The following TRPA1 variants were observed in gnomAD, a reference collection of about 807,000 sequenced individuals.
The protein encoded by TRPA1 is ankyrin-like with transmembrane domains 1.
A neutral mutation model predicts 131.3 loss-of-function variants in TRPA1; 129 were observed. The ratio of observed to expected loss-of-function variants is 0.98; its 90% CI spans 0.85 to 1.14. TRPA1 has a LOEUF of 1.14. TRPA1 is among the 50% of genes most tolerant of loss of function. The pLI, the probability that TRPA1 is intolerant of heterozygous loss-of-function variation, is 0.00. For missense variants in TRPA1, 1,304 were observed against 1,354.2 expected (o/e 0.96, Z 0.58); for synonymous variants, 441 against 451.7 (o/e 0.98, Z 0.30).
rs1453298882 is a variant in TRPA1 at position 72,034,151 on chromosome 8, T to C, written c.2685+97A>G. On this transcript the variant is annotated intron_variant, in intron 22 of 26. Transcript: ENST00000262209. The stretch of plus-strand genomic sequence containing the variant: ...CTAAAGTATTTGAATACTGTTGTTA[T>C]GTAATTATGCATTTTCTAGACTATT... 2.4e-6 allele frequency: 3 copies of C among 1,248,892 alleles called. No homozygotes were observed. In the Admixed American group the frequency reaches 6.4e-5, roughly 27 times the overall value. 77.4% of individuals were successfully genotyped at this position (1,248,892 alleles called of 1,614,324 possible). A position where few individuals can be genotyped will look rare whatever the true frequency, so the allele number is the denominator to read the frequency against.
At chr8:72,086,158 C>T in the TRPA1 span, among the ~76,000 whole-genome samples, 4 of 152,294 alleles carry the variant, frequency 2.6e-5, no homozygotes, top group East Asian at 5.8e-4. Context: ...GCCTCAGCCT[C>T]CCAAAGTGCT....
intron 2 of TRPA1, 77 bp from the exon 3 acceptor site, chr8:72,069,275 A>G: frequency 2.8e-6 from 4 of 1,421,108 alleles, no homozygotes; most frequent in Middle Eastern, 1.8e-4. Context: ...TATACACTAT[A>G]AAACTCAGTG....
At chr8:72,085,713 T>G in the TRPA1 span, among the ~76,000 whole-genome samples, 1 of 152,156 alleles carries the variant, frequency 6.6e-6, no homozygotes, top group South Asian at 2.1e-4. Flanking sequence ...AACCCAATCT[T>G]CTTTTTAATT....
chr8:72,046,219 A>G (rs1812427090), intron 17 of TRPA1, among the ~76,000 whole-genome samples: 4 of 152,014 alleles, frequency 2.6e-5, no homozygotes, highest in South Asian at 2.1e-4. Flanking sequence ...GAAAAAAAGG[A>G]TTGCTTTCTT....
chr8:72,069,778 C>G (rs1010532035), intron 2 of TRPA1, among the ~76,000 whole-genome samples: 14 of 151,196 alleles, frequency 9.3e-5, no homozygotes, highest in Middle Eastern at 3.4e-3. Context: ...CATATACCTA[C>G]ACACACACAC....
intron 18 of TRPA1, 48 bp from the exon 19 acceptor site, chr8:72,039,075 A>G (rs1440420478): frequency 6.3e-7 from 1 of 1,594,704 alleles, no homozygotes. Flanking sequence ...AAACAAAAAT[A>G]TTTACTTAAG....
chr8:72,054,523 A>T (rs1208994555), intron 12 of TRPA1: 7 of 153,028 alleles, frequency 4.6e-5, no homozygotes, highest in African/African-American at 1.7e-4. Flanking sequence ...AAAATTCTTG[A>T]CACTATTTAA....
At chr8:72,078,807 G>T (rs1217105369), upstream of TRPA1, among the ~76,000 whole-genome samples, 1 of 152,000 alleles carries the variant, frequency 6.6e-6, no homozygotes, top group African/African-American at 2.4e-5. Flanking sequence ...TGATAAGTAT[G>T]TGTTTAGCTT....
chr8:72,041,193 CA>C (rs762133611), intron 17 of TRPA1: 1 of 152,032 alleles, frequency 6.6e-6, no homozygotes, highest in Non-Finnish European at 1.5e-5. Context: ...ACCCACCTCA[CA>C]TTAGAGCTCC....
chr8:72,048,130 A>G (rs1805395779), intron 15 of TRPA1, among the ~76,000 whole-genome samples: 1 of 152,122 alleles, frequency 6.6e-6, no homozygotes, highest in Non-Finnish European at 1.5e-5. Context: ...AAGAACACTT[A>G]TGGGGTCAAT....
chr8:72,044,643 T>C (rs1812366450), intron 17 of TRPA1, among the ~76,000 whole-genome samples: 1 of 152,000 alleles, frequency 6.6e-6, no homozygotes, highest in Non-Finnish European at 1.5e-5. Flanking sequence ...TTAATGAAAA[T>C]AGCCTCTCAC....
chr8:72,063,053 G>T, intron 5 of TRPA1, 109 bp from the exon 6 acceptor site: 1 of 1,085,708 alleles, frequency 9.2e-7, no homozygotes, highest in Non-Finnish European at 1.3e-6. Context: ...AGGGCACCGA[G>T]ACACATAAAA....
upstream of TRPA1, among the ~76,000 whole-genome samples, chr8:72,075,859 A>AGTGTGTGTGTGTGTGTGTGT: frequency 7.4e-6 from 1 of 135,032 alleles, no homozygotes; most frequent in Non-Finnish European, 1.6e-5. Flanking sequence ...CTTGCATGTG[A>AGTGTGTGTGTGTGTGTGTGT]GTGTGTGTGT....
intron 19 of TRPA1, among the ~76,000 whole-genome samples, chr8:72,038,379 C>T (rs1019568366): frequency 6.6e-6 from 1 of 151,966 alleles, no homozygotes; most frequent in Non-Finnish European, 1.5e-5. Context: ...TATAACAAAA[C>T]TTACCATTTT....
At chr8:72,082,658 T>G in the TRPA1 span, among the ~76,000 whole-genome samples, 1 of 152,164 alleles carries the variant, frequency 6.6e-6, no homozygotes, top group African/African-American at 2.4e-5. Context: ...CCTCCATTGT[T>G]TTCAATGAGA....
the TRPA1 span, among the ~76,000 whole-genome samples, chr8:72,084,771 C>A: frequency 2.0e-5 from 3 of 151,112 alleles, no homozygotes; most frequent in Non-Finnish European, 4.4e-5. Context: ...CCTGCCTCAG[C>A]CTTCTGAGTA....
rs1214020305 is a variant in TRPA1, at chr8:72,053,805, T to C, written c.1592A>G (p.Lys531Arg). ...CTTCAAATTAGTATCAAGAATGACCTTCATGGTCTGAGTGTACCCGCCCAT... is the reference window on the plus strand; with the variant it reads ...CTTCAAATTAGTATCAAGAATGACCCTCATGGTCTGAGTGTACCCGCCCAT... Reference protein sequence around the residue: ...ASMGGYTQTMKVILDTNLKCT... With the variant: ...ASMGGYTQTMRVILDTNLKCT... The change falls in exon 13 of 27, where the codon AAG (lysine) becomes AGG (arginine). Residue 531 changes from lysine to arginine, a missense_variant. By Grantham distance (26) the Lys-to-Arg change is conservative. Transcript: ENST00000262209. 3 of 1,612,460 alleles carry C rather than the reference T, an allele frequency of 1.9e-6. No homozygotes were observed. The highest frequency in any genetic ancestry group is 2.5e-6 in the Non-Finnish European group (3 of 1,179,874).
intron 8 of TRPA1, 67 bp from the exon 9 acceptor site, chr8:72,057,883 C>G: frequency 2.6e-6 from 3 of 1,166,880 alleles, no homozygotes; most frequent in Admixed American, 1.8e-5. Context: ...ATTGTAATCT[C>G]TAACTAATGG....
intron 15 of TRPA1, among the ~76,000 whole-genome samples, chr8:72,050,222 C>T (rs970119935): frequency 4.6e-5 from 7 of 152,196 alleles, no homozygotes; most frequent in African/African-American, 1.7e-4. Flanking sequence ...TGACAGTTTG[C>T]TCAGAATGAT....
Sources: allele counts gnomAD v4.1 joint callset (sites outside exome capture counted in the v4.1 genomes callset), GRCh38; gene constraint gnomAD v4.1.1; transcripts MANE v1.5; gene names NCBI Gene and HGNC (gene_info 2026-07-23, HGNC 2026-07-21).